Variants in AOPEP observed in about 807,000 individuals in gnomAD.
AOPEP encodes aminopeptidase O.
AOPEP carries 77 observed loss-of-function variants against 98.1 expected under a neutral mutation model. The ratio of observed to expected loss-of-function variants is 0.78; its 90% confidence interval spans 0.65 to 0.95. The LOEUF (loss-of-function observed/expected upper bound fraction) is 0.95. Among genes scored for constraint, AOPEP ranks in the 40% least tolerant of loss-of-function variants. The pLI, the probability that AOPEP is intolerant of heterozygous loss-of-function variation, is 0.00. For synonymous variants in AOPEP, 346 were observed against 365.3 expected (o/e 0.95, Z 0.60); for missense variants, 1,024 against 1,024.7 (o/e 1.00, Z 0.01).
At chr9:95,144,131 GGGA>G in the AOPEP span, among the ~76,000 whole-genome samples, 1 of 152,160 alleles carries the variant, frequency 6.6e-6, no homozygotes, top group South Asian at 2.1e-4. Context: ...AGCACATCTG[GGGA>G]GGGGGGGCTG....
At chr9:94,901,204 GACTTAT>G (rs2136236166) in intron 5 of AOPEP, among the ~76,000 whole-genome samples, 1 of 152,322 alleles carries the variant, frequency 6.6e-6, no homozygotes, top group East Asian at 1.9e-4. Context: ...ATGTGGAATT[GACTTAT>G]ACTTATGGCC....
At chr9:95,045,380 CAG>C (rs1007255443) in intron 13 of AOPEP, among the ~76,000 whole-genome samples, 2 of 152,254 alleles carry the variant, frequency 1.3e-5, no homozygotes, top group Admixed American at 6.5e-5. Flanking sequence ...CCACTGCGGA[CAG>C]GGGTCGGTGA....
intron 5 of AOPEP, chr9:94,904,618 T>C (rs1035166610): frequency 6.6e-6 from 1 of 152,238 alleles, no homozygotes; most frequent in Non-Finnish European, 1.5e-5. Flanking sequence ...ATTGGTCTTA[T>C]TGGATTAAAT....
intron 5 of AOPEP, among the ~76,000 whole-genome samples, chr9:94,827,392 T>C (rs1854872113): frequency 6.6e-6 from 1 of 152,206 alleles, no homozygotes; most frequent in African/African-American, 2.4e-5. Flanking sequence ...TCAAACCCTT[T>C]ACATTTTCGT....
At chr9:94,848,725 G>T (rs538826967) in intron 5 of AOPEP, among the ~76,000 whole-genome samples, 2 of 152,184 alleles carry the variant, frequency 1.3e-5, no homozygotes, top group South Asian at 4.2e-4. Context: ...TCCTGTGAAT[G>T]CCCTACCAAG....
intron 4 of AOPEP, among the ~76,000 whole-genome samples, chr9:94,796,518 C>T (rs769590721): frequency 2.0e-5 from 3 of 152,326 alleles, no homozygotes; most frequent in East Asian, 1.9e-4. Flanking sequence ...CCCCAGCACC[C>T]GTTCTACTTC....
At chr9:95,058,877 G>A (rs1029926485) in intron 13 of AOPEP, among the ~76,000 whole-genome samples, 13 of 152,140 alleles carry the variant, frequency 8.5e-5, no homozygotes, top group African/African-American at 2.4e-4. Flanking sequence ...CACCTCTCTC[G>A]GAACATCACA....
intron 1 of AOPEP, among the ~76,000 whole-genome samples, chr9:94,748,654 C>T (rs2132147012): frequency 6.6e-6 from 1 of 152,288 alleles, no homozygotes; most frequent in Middle Eastern, 3.4e-3. Flanking sequence ...TACCACATTG[C>T]ATTTTATCAT....
intron 5 of AOPEP, among the ~76,000 whole-genome samples, chr9:94,847,992 T>G (rs2043063424): frequency 1.3e-5 from 2 of 152,198 alleles, no homozygotes; most frequent in African/African-American, 4.8e-5. Flanking sequence ...GGCTTTAATG[T>G]TCAGGTCCAC....
At chr9:95,046,621 G>A (rs2133706020) in intron 13 of AOPEP, among the ~76,000 whole-genome samples, 1 of 152,310 alleles carries the variant, frequency 6.6e-6, no homozygotes, top group East Asian at 1.9e-4. Flanking sequence ...ACCCAGCTAA[G>A]AACGACTTCT....
intron 6 of AOPEP, among the ~76,000 whole-genome samples, chr9:94,924,709 G>C (rs2054049772): frequency 6.6e-6 from 1 of 152,150 alleles, no homozygotes; most frequent in Non-Finnish European, 1.5e-5. Flanking sequence ...GAGAACTGTG[G>C]CAAACTGACA....
intron 11 of AOPEP, among the ~76,000 whole-genome samples, chr9:94,991,390 G>T (rs1326102109): frequency 6.6e-6 from 1 of 152,330 alleles, no homozygotes. Flanking sequence ...AGAATCACAG[G>T]CTACAGATGA....
At chr9:94,735,988 C>T (rs901425915) in intron 1 of AOPEP, among the ~76,000 whole-genome samples, 4 of 152,176 alleles carry the variant, frequency 2.6e-5, no homozygotes, top group Non-Finnish European at 4.4e-5. Context: ...TGTGGCATGT[C>T]GGTACTTCAG....
At chr9:95,125,673 A>G in the AOPEP span, among the ~76,000 whole-genome samples, 20 of 152,248 alleles carry the variant, frequency 1.3e-4, no homozygotes, top group African/African-American at 4.6e-4. Context: ...AAACAAACAA[A>G]AAAACTCTCA....
In AOPEP at chr9:94,827,650, G is replaced by C. The variant is rs1274807671; in HGVS notation, c.1364+26648G>C. ...CGCATGTTTTCAGGGCTGGAACTGT[G>C]GAGTGATCTTTTCCTGACCTGACTG... On this transcript the variant is annotated intron_variant, in intron 5 of 16. Transcript: ENST00000375315. Among the ~76,000 whole-genome samples the C allele has an allele frequency of 3.3e-5, 5 of 152,168 alleles. 1 individual carries two copies. The East Asian group carries it at 9.6e-4, about 29-fold the overall frequency.
At chr9:94,900,751 A>G (rs1476003000) in intron 5 of AOPEP, 3 of 152,200 alleles carry the variant, frequency 2.0e-5, no homozygotes, top group Admixed American at 6.5e-5. Flanking sequence ...AGAGTGGGGC[A>G]TGTAGACAAT....
chr9:95,138,640 A>G, the AOPEP span, among the ~76,000 whole-genome samples: 1 of 152,196 alleles, frequency 6.6e-6, no homozygotes, highest in Non-Finnish European at 1.5e-5. Context: ...GTTTCACTGC[A>G]GTGAGAGGTC....
At chr9:95,073,476 C>T (rs368791586) in intron 14 of AOPEP, among the ~76,000 whole-genome samples, 52 of 151,990 alleles carry the variant, frequency 3.4e-4, no homozygotes, top group African/African-American at 1.1e-3. Flanking sequence ...GAGGCCGGCG[C>T]GGTGGCTCCC....
intron 5 of AOPEP, among the ~76,000 whole-genome samples, chr9:94,902,907 T>A (rs2050602005): frequency 6.6e-6 from 1 of 151,768 alleles, no homozygotes; most frequent in African/African-American, 2.4e-5. Flanking sequence ...AATACAAAGT[T>A]CACTGGTGTG....
Sources: allele counts gnomAD v4.1 joint callset (sites outside exome capture counted in the v4.1 genomes callset), GRCh38; gene constraint gnomAD v4.1.1; transcripts MANE v1.5; gene names NCBI Gene and HGNC (gene_info 2026-07-23, HGNC 2026-07-21).